The following GRM5 variants were observed in gnomAD, a reference collection of about 807,000 sequenced individuals.
GRM5 encodes the protein metabotropic glutamate receptor 5.
In GRM5, 19 loss-of-function variants were observed where a neutral mutation model predicts 83.1. That is an observed-to-expected ratio of 0.23 (90% CI 0.16 to 0.34). The LOEUF (loss-of-function observed/expected upper bound fraction) is 0.34, where lower values mean the gene tolerates loss of function less well. Ranked by LOEUF, GRM5 falls within the 10% of genes least tolerant of loss-of-function variation. The pLI is 1.00. For synonymous variants in GRM5, 675 were observed against 633.6 expected, an observed-to-expected ratio of 1.07 and a Z score of -0.98; for missense variants, 1,160 against 1,588.3, an observed-to-expected ratio of 0.73 and a Z score of 4.58.
intron 3 of GRM5, among the ~76,000 whole-genome samples, chr11:88,792,138 T>TA (rs1411014753): frequency 6.6e-6 from 1 of 152,044 alleles, no homozygotes; most frequent in East Asian, 1.9e-4. Context: ...CCTAGTTTTT[T>TA]AAAAAAATAT....
rs535767243 is a variant in GRM5 at position 89,054,250 on chromosome 11, T to C, written c.-200-6178A>G. On this transcript the variant is annotated intron_variant, in intron 1 of 9. Transcript: ENST00000305447. ...TTCTGAATATATTTTGAAGGTAGAG[T>C]GAACAAATTGGCTATTAGAGCTGAC... Among the ~76,000 whole-genome samples the C allele has an allele frequency of 7.2e-4, 109 of 151,942 alleles. 1 individual carries two copies. The highest frequency in any genetic ancestry group is 1.3e-3 in the Non-Finnish European group (86 of 67,960).
chr11:88,829,080 G>T (rs1943942187), intron 3 of GRM5, among the ~76,000 whole-genome samples: 1 of 151,876 alleles, frequency 6.6e-6, no homozygotes, highest in Non-Finnish European at 1.5e-5. Context: ...ATATTTAAGA[G>T]AAAAACAAAA....
At chr11:88,530,932 A>G (rs991867937) in intron 8 of GRM5, among the ~76,000 whole-genome samples, 4 of 152,066 alleles carry the variant, frequency 2.6e-5, no homozygotes, top group African/African-American at 7.2e-5. Flanking sequence ...TGGGGGGAAG[A>G]AAGAAGCTTG....
At chr11:88,994,553 G>GAGACAGC (rs1441752067) in intron 2 of GRM5, among the ~76,000 whole-genome samples, 6 of 137,322 alleles carry the variant, frequency 4.4e-5, no homozygotes, top group Non-Finnish European at 9.2e-5. Flanking sequence ...GAGAATCTTG[G>GAGACAGC]AGACAGCAGA....
intron 3 of GRM5, among the ~76,000 whole-genome samples, chr11:88,682,674 T>C (rs1274641318): frequency 1.3e-5 from 2 of 152,222 alleles, no homozygotes; most frequent in Non-Finnish European, 2.9e-5. Context: ...ATTTTTCATA[T>C]ATCTGCCTAT....
chr11:88,956,617 T>C (rs965472394), intron 2 of GRM5, among the ~76,000 whole-genome samples: 7 of 151,044 alleles, frequency 4.6e-5, no homozygotes, highest in African/African-American at 1.2e-4. Flanking sequence ...CCATCCTGGC[T>C]AACACGGTGA....
At chr11:88,891,548 A>T (rs1465351147) in intron 2 of GRM5, among the ~76,000 whole-genome samples, 1 of 142,310 alleles carries the variant, frequency 7.0e-6, no homozygotes, top group Admixed American at 7.3e-5. Context: ...CTTAACTTAT[A>T]TTTTTGTGAA....
rs1314098484 is a variant in GRM5 at position 88,565,904 on chromosome 11, TA to T, written c.2630+1148del. The stretch of plus-strand genomic sequence containing the variant: ...GATAAAATTCAACTATCCTCTGATT[TA>T]TTTTCAAACTTCAGCAGACATAGTA... On this transcript the variant is annotated intron_variant, in intron 8 of 9. Coordinates refer to ENST00000305447, the MANE Select transcript of GRM5 (RefSeq NM_001143831.3). 1.6e-4 allele frequency among the ~76,000 whole-genome samples: 24 copies of T among 152,214 alleles called. 1 individual carries two copies. Among genetic ancestry groups the T allele is most frequent in the African/African-American group, 5.5e-4 (23 of 41,460 alleles).
chr11:88,586,147 T>C (rs1314498806), intron 7 of GRM5, among the ~76,000 whole-genome samples: 1 of 152,054 alleles, frequency 6.6e-6, no homozygotes, highest in Non-Finnish European at 1.5e-5. Flanking sequence ...TGTATTTATG[T>C]GTAAAAAAAG....
chr11:88,687,345 C>A (rs989075290), intron 3 of GRM5, among the ~76,000 whole-genome samples: 1 of 148,086 alleles, frequency 6.8e-6, no homozygotes, highest in African/African-American at 2.5e-5. Context: ...GGCATGGTGG[C>A]TGGTGCCTGT....
At position 88,844,357 on chromosome 11, in the gene GRM5, T is replaced by TACACAC. The variant is rs3031469; in HGVS notation, c.911+5543_911+5548dup. On this transcript the variant is annotated intron_variant, in intron 3 of 9. Transcript: ENST00000305447. Reference sequence around the variant, plus strand: ...TTTTAAGTCTACTTTTCAGAATTACTACACACACACACACACACACACACA... The same window carrying TACACAC: ...TTTTAAGTCTACTTTTCAGAATTACTACACACACACACACACACACACACACACACA... 3.5e-3 allele frequency among the ~76,000 whole-genome samples: 510 copies of TACACAC among 146,208 alleles called. 3 individuals are homozygous for TACACAC. The highest frequency in any genetic ancestry group is 0.012 in the African/African-American group (472 of 40,072).
intron 2 of GRM5, among the ~76,000 whole-genome samples, chr11:88,866,943 T>C (rs1395621291): frequency 5.9e-5 from 9 of 151,982 alleles, no homozygotes; most frequent in Non-Finnish European, 8.8e-5. Flanking sequence ...GTTTTCCCAA[T>C]GCCATTTATT....
intron 2 of GRM5, among the ~76,000 whole-genome samples, chr11:88,974,374 GAGATAGATAGATAGATAGATAGAT>G (rs71046273): frequency 6.8e-6 from 1 of 147,710 alleles, no homozygotes; most frequent in South Asian, 2.2e-4. Flanking sequence ...CCTGGCAATA[GAGATAGATAGATAGATAGATAGAT>G]AGATAGATAG....
chr11:88,714,294 G>A (rs1034022714), intron 3 of GRM5, among the ~76,000 whole-genome samples: 1 of 151,932 alleles, frequency 6.6e-6, no homozygotes, highest in African/African-American at 2.4e-5. Context: ...GGTGAAAGGG[G>A]AGGGGTAGGA....
intron 9 of GRM5, among the ~76,000 whole-genome samples, chr11:88,524,381 C>G (rs929718434): frequency 6.6e-5 from 10 of 152,040 alleles, no homozygotes; most frequent in Non-Finnish European, 1.5e-4. Flanking sequence ...CCATGCCCGG[C>G]TAATTTTTGT....
At position 88,936,917 on chromosome 11, in the gene GRM5, G is replaced by A. The variant is rs141516062; in HGVS notation, c.662-86762C>T. 1.8e-4 allele frequency among the ~76,000 whole-genome samples: 28 copies of A among 151,854 alleles called. No homozygotes were observed. The East Asian group carries it at 5.2e-3, about 28-fold the overall frequency. On this transcript the variant is annotated intron_variant, in intron 2 of 9. Transcript: ENST00000305447. The stretch of plus-strand genomic sequence containing the variant: ...ATAGTAATCACTTTGAATGCTAATG[G>A]TATTTTAGGCTTAGCTGTTTTAGTT...
chr11:88,792,511 CCT>C (rs1943194891), intron 3 of GRM5, among the ~76,000 whole-genome samples: 1 of 152,046 alleles, frequency 6.6e-6, no homozygotes, highest in South Asian at 2.1e-4. Flanking sequence ...TGACAGGACT[CCT>C]ATTATTTCTA....
intron 2 of GRM5, among the ~76,000 whole-genome samples, chr11:89,007,776 T>C (rs1940572792): frequency 6.6e-6 from 1 of 152,182 alleles, no homozygotes; most frequent in African/African-American, 2.4e-5. Context: ...GTTAGAAGAC[T>C]CTTATGAAAT....
intron 2 of GRM5, among the ~76,000 whole-genome samples, chr11:88,999,792 T>C (rs1940310963): frequency 6.6e-6 from 1 of 152,226 alleles, no homozygotes; most frequent in South Asian, 2.1e-4. Flanking sequence ...TGCACATGTA[T>C]GTTTATTGTG....
Sources: gnomAD v4.1 joint callset for allele counts (sites outside exome capture counted in the v4.1 genomes callset) on GRCh38, gnomAD v4.1.1 for gene constraint, MANE v1.5 for transcripts, NCBI Gene and HGNC (gene_info 2026-07-23, HGNC 2026-07-21) for gene names.